PTPRU: variants seen among roughly 807,000 people sequenced by gnomAD.
PTPRU encodes receptor-type tyrosine-protein phosphatase U.
Under a neutral mutation model 166.3 loss-of-function variants are expected in PTPRU, and 69 were observed. That is an observed-to-expected ratio of 0.41 (90% CI 0.34 to 0.51). PTPRU has a LOEUF of 0.51. PTPRU is among the 20% of genes least tolerant of loss of function. PTPRU has a pLI of 0.09. For missense variants in PTPRU, 1,657 were observed against 2,013.7 expected, an observed-to-expected ratio of 0.82 and a Z score of 3.39; for synonymous variants, 793 against 814.0, an observed-to-expected ratio of 0.97 and a Z score of 0.44.
At chr1:29,305,474 T>C (rs1687348810) in intron 18 of PTPRU, 46 bp downstream of exon 18, 2 of 1,572,354 alleles carry the variant, frequency 1.3e-6, no homozygotes, top group Non-Finnish European at 1.7e-6. Context: ...CCCTGCCCGC[T>C]CCAGGCTTAC....
At chr1:29,305,515 A>G in intron 18 of PTPRU, 87 bp downstream of exon 18, 1 of 1,359,448 alleles carries the variant, frequency 7.4e-7, no homozygotes. Flanking sequence ...CTGTCGGGAT[A>G]AATGGGGGTT....
intron 11 of PTPRU, among the ~76,000 whole-genome samples, chr1:29,281,564 G>A (rs1433526257): frequency 6.6e-6 from 1 of 152,186 alleles, no homozygotes; most frequent in Non-Finnish European, 1.5e-5. Flanking sequence ...CTGCACAATG[G>A]GGATTATTCT....
At chr1:29,289,216 A>G (rs1249536810) in intron 14 of PTPRU, among the ~76,000 whole-genome samples, 1 of 151,034 alleles carries the variant, frequency 6.6e-6, no homozygotes, top group South Asian at 2.1e-4. Context: ...GGGATGTCTA[A>G]TGTGTGTGTG....
intron 22 of PTPRU, among the ~76,000 whole-genome samples, chr1:29,313,458 T>C (rs1180676755): frequency 6.6e-6 from 1 of 152,234 alleles, no homozygotes; most frequent in Non-Finnish European, 1.5e-5. Flanking sequence ...CAAAACTTTA[T>C]TGATATATAA....
intron 1 of PTPRU, among the ~76,000 whole-genome samples, chr1:29,247,283 G>A (rs1256579291): frequency 6.6e-6 from 1 of 152,246 alleles, no homozygotes; most frequent in Non-Finnish European, 1.5e-5. Flanking sequence ...TGCAGCTCTG[G>A]GTCATGCCCA....
intron 18 of PTPRU, among the ~76,000 whole-genome samples, chr1:29,306,762 C>T (rs571125882): frequency 2.2e-4 from 33 of 152,322 alleles, no homozygotes; most frequent in African/African-American, 7.5e-4. Flanking sequence ...TCTCCCTCTT[C>T]TTCTCCTCCT....
Position 29,315,973 on chromosome 1 carries a change from C to T in PTPRU, c.3364-29C>T. The T allele has an allele frequency of 6.2e-7, 1 of 1,612,162 alleles. No individual in the cohort carries two copies. The highest frequency in any genetic ancestry group is 8.5e-7 in the Non-Finnish European group (1 of 1,178,674). On this transcript the variant is annotated intron_variant, in intron 23 of 29. Transcript: ENST00000373779. This position sits in a 1 kb window ranked among gnomAD's most constrained non-coding sequence, Gnocchi z 4.5. ...CAGATCTCCAGCTTCTAGGCCCCTC[C>T]TCGGCCTCATTCTCATCTCCTGTTC... is the stretch of plus-strand genomic sequence containing the variant.
In PTPRU at chr1:29,258,034, G is replaced by A. The variant is rs149100321; in HGVS notation, c.206-471G>A. On this transcript the variant is annotated intron_variant, in intron 2 of 29. Transcript: ENST00000373779. ...GGCTGGAGTGCAGTGGCGTGATCTT[G>A]GCTCACTGCAACCTCTGCCTCCCAG... 1.0e-2 allele frequency among the ~76,000 whole-genome samples: 1,518 copies of A among 151,998 alleles called. 33 individuals carry two copies. The highest frequency in any genetic ancestry group is 0.035 in the African/African-American group (1,435 of 41,446).
At chr1:29,323,197 T>C in intron 26 of PTPRU, 174 bp from the exon 27 acceptor site, 1 of 827,812 alleles carries the variant, frequency 1.2e-6, no homozygotes, top group Non-Finnish European at 1.8e-6. Flanking sequence ...CCTTGCAGCC[T>C]GTGGGCAACT....
intron 18 of PTPRU, chr1:29,306,979 T>TCAGCC (rs3835409): frequency 0.32 from 264,439 of 820,798 alleles, 48,788 homozygotes; most frequent in East Asian, 0.69. Context: ...ACTCTGTGGC[T>TCAGCC]CAGCCCAGCC....
intron 1 of PTPRU, among the ~76,000 whole-genome samples, chr1:29,242,949 G>GT (rs1187827989): frequency 2.0e-5 from 3 of 151,730 alleles, no homozygotes; most frequent in Admixed American, 6.6e-5. Flanking sequence ...CCAGGCTGGA[G>GT]TGCAGGGGCA....
chr1:29,278,801 G>A (rs1685927793), intron 8 of PTPRU, among the ~76,000 whole-genome samples: 1 of 152,238 alleles, frequency 6.6e-6, no homozygotes, highest in Non-Finnish European at 1.5e-5. Context: ...AATTGCTGAT[G>A]TTTGCCTTGG....
chr1:29,325,047 C>T, intron 28 of PTPRU, 144 bp from the exon 29 acceptor site: 1 of 1,160,594 alleles, frequency 8.6e-7, no homozygotes, highest in Non-Finnish European at 1.2e-6. Context: ...CCCCTCACCT[C>T]TGGGCTCTCT....
intron 1 of PTPRU, among the ~76,000 whole-genome samples, chr1:29,247,547 G>A (rs1684354085): frequency 6.6e-6 from 1 of 152,238 alleles, no homozygotes. Flanking sequence ...ACAGCCCCAT[G>A]CCCCTCTACT....
intron 12 of PTPRU, among the ~76,000 whole-genome samples, chr1:29,283,443 C>A (rs189538186): frequency 4.1e-4 from 63 of 152,066 alleles, no homozygotes; most frequent in African/African-American, 1.5e-3. Context: ...TATCCAGGTC[C>A]CCAGTCTAGT....
Position 29,315,198 on chromosome 1 carries a change from G to A in PTPRU, c.3228-174G>A, listed in dbSNP as rs1294623998. Among the ~76,000 whole-genome samples, 2 of 152,102 alleles carry A rather than the reference G, an allele frequency of 1.3e-5. No homozygotes were observed. The highest frequency in any genetic ancestry group is 3.9e-4 in the East Asian group (2 of 5,178). On this transcript the variant is annotated intron_variant, in intron 22 of 29. Transcript: ENST00000373779. The surrounding 1 kb of genome is among the most constrained non-coding windows in gnomAD (Gnocchi z 4.5). ...CTGTCCTCTAGCACATTTCACTAGA[G>A]CTCTTCCATCCAGCAGCCTGCGTCC...
At chr1:29,252,209 C>T (rs1574609583) in intron 1 of PTPRU, among the ~76,000 whole-genome samples, 1 of 152,210 alleles carries the variant, frequency 6.6e-6, no homozygotes, top group South Asian at 2.1e-4. Context: ...AGACCGGGAG[C>T]CCCCAGCAGT....
chr1:29,243,421 G>T (rs542411295), intron 1 of PTPRU, among the ~76,000 whole-genome samples: 10 of 152,188 alleles, frequency 6.6e-5, no homozygotes, highest in Admixed American at 3.3e-4. Flanking sequence ...CTGCCTATCC[G>T]CTGTCTGCTC....
rs1687959414 is a variant in PTPRU, at chr1:29,317,677, C to T, written c.3514-71C>T. The T allele has an allele frequency of 6.8e-7, 1 of 1,473,250 alleles. No individual in the cohort carries two copies. Among genetic ancestry groups the T allele is most frequent in the Admixed American group, 2.0e-5 (1 of 50,900 alleles). The allele number at this position is 1,473,250 out of a possible 1,614,324, so 91.3% of individuals were successfully genotyped here. ...GGGATTAGTAACTCAGTCCAGCCTCCTTCATGGGGATGTGAGGAGGCCCAG... is the reference window on the plus strand; with the variant it reads ...GGGATTAGTAACTCAGTCCAGCCTCTTTCATGGGGATGTGAGGAGGCCCAG... On this transcript the variant is annotated intron_variant, in intron 24 of 29. Transcript: ENST00000373779. The surrounding 1 kb of genome is among the most constrained non-coding windows in gnomAD (Gnocchi z 5.6).
Sources: gnomAD v4.1 joint callset for allele counts (sites outside exome capture counted in the v4.1 genomes callset) on GRCh38, gnomAD v4.1.1 for gene constraint, Gnocchi (gnomAD v3.1) non-coding constraint, MANE v1.5 for transcripts, NCBI Gene and HGNC (gene_info 2026-07-23, HGNC 2026-07-21) for gene names.